ROCK2: variants seen among roughly 807,000 people sequenced by gnomAD.
The protein encoded by ROCK2 is Rho associated coiled-coil containing protein kinase 2, also known as rho-associated protein kinase 2.
In ROCK2, 61 loss-of-function variants were observed where a neutral mutation model predicts 195.1. The observed-to-expected ratio is 0.31, with a 90% CI of 0.25 to 0.39. The LOEUF (loss-of-function observed/expected upper bound fraction) is 0.39. ROCK2 is among the 10% of genes least tolerant of loss of function. The pLI, the probability that ROCK2 is intolerant of heterozygous loss-of-function variation, is 1.00. For missense variants in ROCK2, 1,109 were observed against 1,637.4 expected (o/e 0.68, Z 5.57); for synonymous variants, 504 against 545.5 (o/e 0.92, Z 1.06).
Position 11,215,033 on chromosome 2 carries a change from T to C in ROCK2, c.1743A>G (p.Leu581=), listed in dbSNP as rs777431292. 3 of 1,613,992 alleles carry C rather than the reference T, an allele frequency of 1.9e-6. No homozygotes were observed. In the African/African-American group the frequency reaches 4.0e-5, roughly 22 times the overall value. The part of the protein sequence containing the change: ...LRTESDTAAR[L]RKTQAESSKQ... ...TTGAACTTTCTGCCTGGGTTTTCCTTAACCGGGCTGCAGTATCAGACTCTG... is the reference window on the plus strand; with the variant it reads ...TTGAACTTTCTGCCTGGGTTTTCCTCAACCGGGCTGCAGTATCAGACTCTG... The change falls in exon 16 of 33, where the codon TTA becomes TTG. Residue 581 remains leucine (L), a synonymous_variant. Transcript: ENST00000315872.
chr2:11,257,361 G>A (rs1463747882), intron 3 of ROCK2, among the ~76,000 whole-genome samples: 3 of 151,520 alleles, frequency 2.0e-5, no homozygotes, highest in Non-Finnish European at 2.9e-5. Flanking sequence ...ATCAGCTGTC[G>A]GGGTTACTGC....
chr2:11,196,299 G>GT (rs1398501036), intron 27 of ROCK2, among the ~76,000 whole-genome samples: 1 of 152,168 alleles, frequency 6.6e-6, no homozygotes, highest in African/African-American at 2.4e-5. Context: ...GATAATGTCA[G>GT]TAAGTACTCA....
rs142259150 is a variant in ROCK2, at chr2:11,309,305, T to C, written c.142-21569A>G. 8.7e-3 allele frequency among the ~76,000 whole-genome samples: 1,321 copies of C among 152,278 alleles called. 20 individuals are homozygous for C. The highest frequency in any genetic ancestry group is 0.03 in the African/African-American group (1,258 of 41,552). On this transcript the variant is annotated intron_variant, in intron 1 of 32. Coordinates refer to ENST00000315872, the MANE Select transcript of ROCK2 (RefSeq NM_004850.5). ...TATGAAAACACTACACCATTTTATATAAGGGACTTGAGCAAGGATGGATTT... is the reference window on the plus strand; with the variant it reads ...TATGAAAACACTACACCATTTTATACAAGGGACTTGAGCAAGGATGGATTT...
intron 1 of ROCK2, among the ~76,000 whole-genome samples, chr2:11,340,616 T>A (rs1387742470): frequency 1.3e-5 from 2 of 152,214 alleles, no homozygotes; most frequent in African/African-American, 2.4e-5. Flanking sequence ...TTATTGTATC[T>A]TTATAATGTT....
chr2:11,272,405 T>C (rs1051613810), intron 3 of ROCK2, among the ~76,000 whole-genome samples: 4 of 152,206 alleles, frequency 2.6e-5, no homozygotes, highest in Admixed American at 2.6e-4. Flanking sequence ...AAAAGGCCAA[T>C]ACATATTTTT....
At position 11,202,299 on chromosome 2, in the gene ROCK2, C is replaced by T. The variant is rs1213797402; in HGVS notation, c.2550-178G>A. On this transcript the variant is annotated intron_variant, in intron 20 of 32. Transcript: ENST00000315872. ...GTTTTTTTTAAAACTCTCATTCCCTCGTTATATACCGTATGTACTTTTCCT... is the reference window on the plus strand; with the variant it reads ...GTTTTTTTTAAAACTCTCATTCCCTTGTTATATACCGTATGTACTTTTCCT... Among the ~76,000 whole-genome samples, 4 of 152,094 alleles carry T rather than the reference C, an allele frequency of 2.6e-5. 1 individual carries two copies. Among genetic ancestry groups the T allele is most frequent in the South Asian group, 4.2e-4 (2 of 4,814 alleles).
chr2:11,294,421 G>C (rs944359573), intron 1 of ROCK2, among the ~76,000 whole-genome samples: 4 of 146,532 alleles, frequency 2.7e-5, no homozygotes, highest in Non-Finnish European at 5.9e-5. Flanking sequence ...GAATTATATG[G>C]TGTTAATTAT....
chr2:11,231,046 C>A (rs538702989), intron 5 of ROCK2, among the ~76,000 whole-genome samples: 1 of 151,738 alleles, frequency 6.6e-6, no homozygotes, highest in African/African-American at 2.4e-5. Flanking sequence ...ATCTGAGAAA[C>A]CTTTTGAAAA....
At chr2:11,196,062 C>T (rs930277356) in intron 27 of ROCK2, among the ~76,000 whole-genome samples, 3 of 152,052 alleles carry the variant, frequency 2.0e-5, no homozygotes, top group African/African-American at 4.8e-5. Context: ...ATGTATCAAT[C>T]GTGCTGGATG....
intron 20 of ROCK2, among the ~76,000 whole-genome samples, chr2:11,205,359 C>T (rs919930200): frequency 5.3e-5 from 8 of 152,156 alleles, no homozygotes; most frequent in African/African-American, 1.9e-4. Context: ...ATATATACTC[C>T]TTTCTTCTTT....
At chr2:11,296,360 C>T (rs1667538450) in intron 1 of ROCK2, among the ~76,000 whole-genome samples, 1 of 152,126 alleles carries the variant, frequency 6.6e-6, no homozygotes. Context: ...GTCATATTCA[C>T]ACTTAATGAC....
chr2:11,215,708 AT>A, intron 13 of ROCK2, 63 bp from the exon 14 acceptor site: 1 of 1,352,428 alleles, frequency 7.4e-7, no homozygotes, highest in Non-Finnish European at 1.0e-6. Context: ...AAAACAAAAA[AT>A]ACTTGCTATT....
Position 11,183,195 on chromosome 2 carries a change from A to G in ROCK2, c.*242T>C, listed in dbSNP as rs564947553. 6.0e-5 allele frequency: 24 copies of G among 397,206 alleles called. 2 individuals are homozygous for G. In the South Asian group the frequency reaches 1.6e-3, roughly 26 times the overall value. The allele number at this position is 397,206 out of a possible 1,614,324, so 24.6% of individuals were successfully genotyped here. A position where few individuals can be genotyped will look rare whatever the true frequency, so the allele number is the denominator to read the frequency against. ...GAGAGAGCTTTATGGAAAAGTCTGG[A>G]AGAGTTGCATATATCCTTAGTCTAT... On this transcript the variant is annotated 3_prime_UTR_variant, in exon 33 of 33. Coordinates refer to ENST00000315872, the MANE Select transcript of ROCK2 (RefSeq NM_004850.5).
At chr2:11,326,932 T>C (rs893035414) in intron 1 of ROCK2, among the ~76,000 whole-genome samples, 1 of 152,226 alleles carries the variant, frequency 6.6e-6, no homozygotes, top group Non-Finnish European at 1.5e-5. Flanking sequence ...GGGAGGATAC[T>C]TTCTTTCTTA....
At chr2:11,330,747 G>GGGA (rs1255635234) in intron 1 of ROCK2, among the ~76,000 whole-genome samples, 3 of 61,744 alleles carry the variant, frequency 4.9e-5, no homozygotes, top group Non-Finnish European at 8.3e-5. Context: ...GGAGGGAGGA[G>GGGA]GGAGGAGGAG....
intron 4 of ROCK2, among the ~76,000 whole-genome samples, chr2:11,246,426 G>A (rs573102539): frequency 6.6e-6 from 1 of 151,854 alleles, no homozygotes; most frequent in Non-Finnish European, 1.5e-5. Context: ...AGGTGTTTAG[G>A]GGTACACATC....
chr2:11,185,766 A>C (rs1663172788), intron 32 of ROCK2, among the ~76,000 whole-genome samples: 1 of 123,404 alleles, frequency 8.1e-6, no homozygotes, highest in Admixed American at 9.1e-5. Context: ...AAAATAAATA[A>C]ATAATAAAAA....
intron 1 of ROCK2, among the ~76,000 whole-genome samples, chr2:11,315,420 A>G (rs893084766): frequency 6.6e-6 from 1 of 152,076 alleles, no homozygotes; most frequent in African/African-American, 2.4e-5. Flanking sequence ...CTATGAGATG[A>G]ATTCCCAACA....
chr2:11,330,764 GGAGGAGGAGGGAGGGAA>G (rs1668702547), intron 1 of ROCK2, among the ~76,000 whole-genome samples: 1 of 96,348 alleles, frequency 1.0e-5, no homozygotes, highest in Non-Finnish European at 2.2e-5. Flanking sequence ...GGAGGAGGGA[GGAGGAGGAGGGAGGGAA>G]GAGGAGGAGA....
Sources: gnomAD v4.1 joint callset for allele counts (sites outside exome capture counted in the v4.1 genomes callset) on GRCh38, gnomAD v4.1.1 for gene constraint, MANE v1.5 for transcripts, NCBI Gene and HGNC (gene_info 2026-07-23, HGNC 2026-07-21) for gene names.